Variants in FBXW9 observed in about 807,000 individuals in gnomAD.
FBXW9 encodes the protein F-box and WD repeat domain containing 9.
Under a neutral mutation model 55.8 loss-of-function variants are expected in FBXW9, and 38 were observed. The observed-to-expected ratio is 0.68, with a 90% CI of 0.53 to 0.89. The LOEUF (loss-of-function observed/expected upper bound fraction) is 0.89. Among genes scored for constraint, FBXW9 ranks in the 40% least tolerant of loss-of-function variants. The probability of loss-of-function intolerance (pLI) is 0.00; values close to 1 mark genes in which losing one functional copy is unlikely to be tolerated. For missense variants in FBXW9, 590 were observed against 619.4 expected (o/e 0.95, Z 0.50); for synonymous variants, 289 against 278.2 (o/e 1.04, Z -0.38).
At chr19:12,694,777 C>A (rs1407319868) in intron 2 of FBXW9, 22 bp downstream of exon 2, 3 of 1,613,526 alleles carry the variant, frequency 1.9e-6, no homozygotes, top group East Asian at 4.5e-5. Context: ...CCCTGCCTGG[C>A]CCCCCACAGA....
In FBXW9 at chr19:12,696,608, C is replaced by A. The variant is rs1227994163; in HGVS notation, c.-27G>T. ...GCGACCGGGTGGGCGCTGCCGGCCT[C>A]GCGTCTTGTCTCCTAGGCAGCACGA... On this transcript the variant is annotated 5_prime_UTR_variant, in exon 1 of 10. Transcript: ENST00000393261. 2 of 1,599,944 alleles carry A rather than the reference C, an allele frequency of 1.3e-6. No homozygotes were observed. Among genetic ancestry groups the A allele is most frequent in the Non-Finnish European group, 8.5e-7 (1 of 1,178,778 alleles).
chr19:12,689,640 G>A lies in FBXW9; in HGVS notation c.1147-10C>T, dbSNP rs2024975275. On this transcript the variant is annotated splice_polypyrimidine_tract_variant and intron_variant, in intron 7 of 9. Transcript: ENST00000393261. This position sits in a 1 kb window ranked among gnomAD's most constrained non-coding sequence, Gnocchi z 5.9. The stretch of plus-strand genomic sequence containing the variant: ...GGCCCACATCAAAGGACTGCAGGAG[G>A]AGGATCAGGCAACACTCAGTCGAGG... The A allele has an allele frequency of 1.9e-6, 3 of 1,613,862 alleles. No homozygotes were observed. Among genetic ancestry groups the A allele is most frequent in the Non-Finnish European group, 2.5e-6 (3 of 1,179,786 alleles).
chr19:12,693,555 TATATATACACAC>T (rs1224643365), intron 3 of FBXW9, among the ~76,000 whole-genome samples: 632 of 20,416 alleles, frequency 0.031, 11 homozygotes, highest in Non-Finnish European at 0.045. Context: ...TATATATATA[TATATATACACAC>T]ACACACACAC....
chr19:12,695,576 C>T (rs1396178355), intron 1 of FBXW9, among the ~76,000 whole-genome samples: 1 of 152,136 alleles, frequency 6.6e-6, no homozygotes, highest in Non-Finnish European at 1.5e-5. Flanking sequence ...AGCTGTAATA[C>T]ATCTTGGCTT....
rs1260274288 is a variant in FBXW9 at position 12,689,009 on chromosome 19, A to C, written c.*207T>G. The C allele has an allele frequency of 4.3e-6, 3 of 698,578 alleles. No individual in the cohort carries two copies. In the East Asian group the frequency reaches 8.1e-5, roughly 19 times the overall value. 43.3% of individuals were successfully genotyped at this position (698,578 alleles called of 1,614,324 possible). A position where few individuals can be genotyped will look rare whatever the true frequency, so the allele number is the denominator to read the frequency against. Reference sequence around the variant, plus strand: ...ACAAAACCAGGGCCCAAGAGTGGGAAGCGGCCCCCTGGGTGGGCCTGAACC... The same window carrying C: ...ACAAAACCAGGGCCCAAGAGTGGGACGCGGCCCCCTGGGTGGGCCTGAACC... On this transcript the variant is annotated 3_prime_UTR_variant, in exon 10 of 10. Coordinates refer to ENST00000393261, the MANE Select transcript of FBXW9 (RefSeq NM_032301.3). The surrounding 1 kb of genome is among the most constrained non-coding windows in gnomAD (Gnocchi z 5.9).
At chr19:12,691,065 A>G in intron 5 of FBXW9, 101 bp downstream of exon 5, 1 of 1,027,678 alleles carries the variant, frequency 9.7e-7, no homozygotes, top group Middle Eastern at 2.3e-4. Context: ...AGTGGTGAGT[A>G]TTTGGTTAAG....
At chr19:12,691,928 G>A (rs903900574) in intron 3 of FBXW9, among the ~76,000 whole-genome samples, 1 of 151,688 alleles carries the variant, frequency 6.6e-6, no homozygotes, top group Admixed American at 6.6e-5. Flanking sequence ...GCTAATTTTT[G>A]TATTATTAGT....
chr19:12,690,794 G>A (rs562415237), intron 5 of FBXW9, among the ~76,000 whole-genome samples: 1 of 152,034 alleles, frequency 6.6e-6, no homozygotes, highest in Non-Finnish European at 1.5e-5. Context: ...ACAGGTAGGC[G>A]CCACCACATC....
Position 12,689,357 on chromosome 19 carries a change from G to A in FBXW9, c.1302+15C>T, listed in dbSNP as rs367840244. On this transcript the variant is annotated intron_variant, in intron 9 of 9. Transcript: ENST00000393261. The surrounding 1 kb of genome is among the most constrained non-coding windows in gnomAD (Gnocchi z 5.9). ...CTCTGGCCAGCTGGGCAGGGCACAT[G>A]GGGCAGGACCTTACCCTATTGAGCC... 5 of 1,614,042 alleles carry A rather than the reference G, an allele frequency of 3.1e-6. No homozygotes were observed. In the African/African-American group the frequency reaches 5.3e-5, roughly 17 times the overall value.
rs1345305909 is a variant in FBXW9 at position 12,696,086 on chromosome 19, G to A, written c.409+87C>T. 1.5e-5 allele frequency: 19 copies of A among 1,301,460 alleles called. No homozygotes were observed. In the East Asian group the frequency reaches 5.1e-4, roughly 35 times the overall value. 80.6% of individuals were successfully genotyped at this position (1,301,460 alleles called of 1,614,324 possible). ...AAGCCTGCACCAGAGGCTGCATCCG[G>A]AACACCCCATGTACCTCTTCCCCGC... On this transcript the variant is annotated intron_variant, in intron 1 of 9. Coordinates refer to ENST00000393261, the MANE Select transcript of FBXW9 (RefSeq NM_032301.3).
rs775307628 is a variant in FBXW9, at chr19:12,696,250, C to T, written c.332G>A (p.Arg111His). The T allele has an allele frequency of 3.2e-6, 5 of 1,566,096 alleles. No individual in the cohort carries two copies. The Admixed American group carries it at 7.5e-5, about 24-fold the overall frequency. ...GGTGACATGGTCAGACACGAGGTCG[C>T]GGAGCGCGTGGCACACCCGCGACAG... is the stretch of plus-strand genomic sequence containing the variant. ...HVLSRVCHAL[R>H]DLVSDHVTWR... is the part of the protein sequence containing the mutation. Residue 111 changes from arginine to histidine, a missense_variant, in exon 1 of 10, where the codon CGC (arginine) becomes CAC (histidine). Coordinates refer to ENST00000393261, the MANE Select transcript of FBXW9 (RefSeq NM_032301.3).
Position 12,694,947 on chromosome 19 carries a change from TACCACGAGTAGGGTGCCCAGTGGGCAGGG to T in FBXW9, c.410-38_410-10del, listed in dbSNP as rs757308112. The T allele has an allele frequency of 6.2e-7, 1 of 1,611,102 alleles. No individual in the cohort carries two copies. Among genetic ancestry groups the T allele is most frequent in the Non-Finnish European group, 8.5e-7 (1 of 1,179,624 alleles). Reference sequence around the variant, plus strand: ...CCAGTCAAAGTTCTTCTCTGTGGGTTACCACGAGTAGGGTGCCCAGTGGGCAGGGACCCTAGCACCCATGCCAGCTGGCC... The same window carrying T: ...CCAGTCAAAGTTCTTCTCTGTGGGTTACCCTAGCACCCATGCCAGCTGGCC... On this transcript the variant is annotated splice_polypyrimidine_tract_variant and intron_variant, in intron 1 of 9. Transcript: ENST00000393261.
chr19:12,689,532 G>A lies in FBXW9; in HGVS notation c.1236+9C>T, dbSNP rs1172479984. On this transcript the variant is annotated intron_variant, in intron 8 of 9. Transcript: ENST00000393261. The surrounding 1 kb of genome is among the most constrained non-coding windows in gnomAD (Gnocchi z 5.9). ...CTGTCCTGGGGTGGGGGCTGGGCAG[G>A]AGCCTCACCCGGATGGTCTTGTCAG... 3 of 1,614,034 alleles carry A rather than the reference G, an allele frequency of 1.9e-6. No individual in the cohort carries two copies. Among genetic ancestry groups the A allele is most frequent in the Non-Finnish European group, 2.5e-6 (3 of 1,179,912 alleles).
In FBXW9 at chr19:12,691,405, G is replaced by A; in HGVS notation, c.728C>T (p.Ser243Phe). The A allele has an allele frequency of 1.9e-6, 3 of 1,609,996 alleles. No individual in the cohort carries two copies. The highest frequency in any genetic ancestry group is 1.1e-5 in the South Asian group (1 of 90,508). The change falls in exon 4 of 10, where the codon TCC becomes TTC. Residue 243 changes from serine (S) to phenylalanine (F), a missense_variant. Coordinates refer to ENST00000393261, the MANE Select transcript of FBXW9 (RefSeq NM_032301.3). ...AAQDHRVCSG[S>F]WDSTVKLWDM... ...CCAGAGCTTCACTGTGCTGTCCCAG[G>A]AGCCGGAGCACACGCGGTGGTCCTG...
Position 12,689,282 on chromosome 19 carries a change from A to G in FBXW9, c.1311T>C (p.Ala437=). ...AGCCGGCCACCACCAGGTTGCCCTCAGCACAGACCTGGGAAGGGGGAGGAA... is the reference window on the plus strand; with the variant it reads ...AGCCGGCCACCACCAGGTTGCCCTCGGCACAGACCTGGGAAGGGGGAGGAA... ...RHDNGLNRVC[A]EGNLVVAGSG... is the part of the protein sequence containing the mutation. Residue 437 remains alanine, a synonymous_variant, in exon 10 of 10, where the codon GCT becomes GCC. Coordinates refer to ENST00000393261, the MANE Select transcript of FBXW9 (RefSeq NM_032301.3). The surrounding 1 kb of genome is among the most constrained non-coding windows in gnomAD (Gnocchi z 5.9). The G allele has an allele frequency of 4.3e-6, 7 of 1,614,240 alleles. No homozygotes were observed. The highest frequency in any genetic ancestry group is 1.7e-5 in the Admixed American group (1 of 60,030).
At position 12,689,293 on chromosome 19, in the gene FBXW9, G is replaced by A. The variant is rs2024968031; in HGVS notation, c.1303-3C>T. Reference sequence around the variant, plus strand: ...ACCAGGTTGCCCTCAGCACAGACCTGGGAAGGGGGAGGAACATGAGGAGTC... The same window carrying A: ...ACCAGGTTGCCCTCAGCACAGACCTAGGAAGGGGGAGGAACATGAGGAGTC... On this transcript the variant is annotated splice_region_variant and splice_polypyrimidine_tract_variant and intron_variant, in intron 9 of 9. Coordinates refer to ENST00000393261, the MANE Select transcript of FBXW9 (RefSeq NM_032301.3). The surrounding 1 kb of genome is among the most constrained non-coding windows in gnomAD (Gnocchi z 5.9). The A allele has an allele frequency of 1.2e-6, 2 of 1,614,222 alleles. No homozygotes were observed. The highest frequency in any genetic ancestry group is 1.7e-6 in the Non-Finnish European group (2 of 1,180,030).
rs2025050929 is a variant in FBXW9, at chr19:12,694,580, A to C, written c.678+14T>G. 1 of 1,612,252 alleles carries C rather than the reference A, an allele frequency of 6.2e-7. No homozygotes were observed. Among genetic ancestry groups the C allele is most frequent in the Admixed American group, 1.7e-5 (1 of 59,966 alleles). ...CTCAGGCCTCATACCTCCTATCCCC[A>C]CCTGACTCCTCACCTCATGGGTACT... On this transcript the variant is annotated intron_variant, in intron 3 of 9. Coordinates refer to ENST00000393261, the MANE Select transcript of FBXW9 (RefSeq NM_032301.3).
intron 3 of FBXW9, among the ~76,000 whole-genome samples, chr19:12,693,601 C>A (rs1019955486): frequency 2.5e-5 from 2 of 78,496 alleles, no homozygotes; most frequent in African/African-American, 1.1e-4. Flanking sequence ...CACACACACA[C>A]ACACACAAAA....
chr19:12,694,649 T>C lies in FBXW9; in HGVS notation c.623A>G (p.Glu208Gly). 6.2e-7 allele frequency: 1 copy of C among 1,614,194 alleles called. No homozygotes were observed. Among genetic ancestry groups the C allele is most frequent in the Non-Finnish European group, 8.5e-7 (1 of 1,180,036 alleles). The change falls in exon 3 of 10, where the codon GAG becomes GGG. Residue 208 changes from glutamate to glycine, a missense_variant. By Grantham distance (98) the Glu-to-Gly change is moderately conservative. Transcript: ENST00000393261. ...GGTCTTGATCAGAACCTGGTTGGACTCCGTCCCCAGCTGCCGCAGGTCCCA... is the reference window on the plus strand; with the variant it reads ...GGTCTTGATCAGAACCTGGTTGGACCCCGTCCCCAGCTGCCGCAGGTCCCA... ...NLWDLRQLGT[E>G]SNQVLIKTLG...
Sources: allele counts gnomAD v4.1 joint callset (sites outside exome capture counted in the v4.1 genomes callset), GRCh38; gene constraint gnomAD v4.1.1; non-coding constraint Gnocchi (gnomAD v3.1); transcripts MANE v1.5; gene names NCBI Gene and HGNC (gene_info 2026-07-23, HGNC 2026-07-21).